The following PDSS2 variants were observed in gnomAD, a reference collection of about 807,000 sequenced individuals.
PDSS2 encodes the protein all trans-polyprenyl-diphosphate synthase PDSS2.
Under a neutral mutation model 44.5 loss-of-function variants are expected in PDSS2, and 31 were observed. The observed-to-expected ratio is 0.70, with a 90% CI of 0.52 to 0.94. The LOEUF is 0.94. Ranked by LOEUF, PDSS2 falls within the 40% of genes least tolerant of loss-of-function variation. The pLI is 0.00. For synonymous variants in PDSS2, 157 were observed against 180.3 expected, an observed-to-expected ratio of 0.87 and a Z score of 1.03; for missense variants, 452 against 482.2, an observed-to-expected ratio of 0.94 and a Z score of 0.59.
At chr6:107,393,740 T>A (rs1779855502) in intron 1 of PDSS2, among the ~76,000 whole-genome samples, 1 of 152,208 alleles carries the variant, frequency 6.6e-6, no homozygotes, top group Non-Finnish European at 1.5e-5. Flanking sequence ...GTTTTATGAT[T>A]TATATTAGGG....
At chr6:107,393,032 T>C (rs1452467605) in intron 1 of PDSS2, among the ~76,000 whole-genome samples, 1 of 152,166 alleles carries the variant, frequency 6.6e-6, no homozygotes, top group Non-Finnish European at 1.5e-5. Flanking sequence ...TTTTTCTCTA[T>C]ATTTTGTCTT....
chr6:107,454,497 T>G (rs867115693), intron 1 of PDSS2, among the ~76,000 whole-genome samples: 15 of 152,346 alleles, frequency 9.8e-5, no homozygotes, highest in African/African-American at 3.4e-4. Flanking sequence ...AACAGAATCA[T>G]TATCTCACCA....
chr6:107,431,366 C>T (rs746695332), intron 1 of PDSS2, among the ~76,000 whole-genome samples: 7 of 152,200 alleles, frequency 4.6e-5, no homozygotes, highest in Non-Finnish European at 1.0e-4. Flanking sequence ...TATCCTCCCA[C>T]CTCAGCCTCC....
intron 3 of PDSS2, among the ~76,000 whole-genome samples, chr6:107,249,279 G>A (rs1030751260): frequency 2.6e-5 from 4 of 152,142 alleles, no homozygotes; most frequent in African/African-American, 4.8e-5. Flanking sequence ...CAAGCCTTGC[G>A]TAGATGAACA....
intron 1 of PDSS2, among the ~76,000 whole-genome samples, chr6:107,418,787 C>A (rs1328434310): frequency 6.6e-6 from 1 of 151,972 alleles, no homozygotes; most frequent in East Asian, 1.9e-4. Flanking sequence ...AACAAACAAA[C>A]AAACAACAAA....
intron 2 of PDSS2, among the ~76,000 whole-genome samples, chr6:107,274,667 C>CTTTTTTTTTTTTTTTTTTTTTTTTT (rs5878910): frequency 9.4e-6 from 1 of 106,556 alleles, no homozygotes. Flanking sequence ...ATCTCTCTCT[C>CTTTTTTTTTTTTTTTTTTTTTTTTT]TTTTTTTTTT....
intron 4 of PDSS2, among the ~76,000 whole-genome samples, chr6:107,221,606 A>T (rs2114682378): frequency 6.6e-6 from 1 of 152,298 alleles, no homozygotes; most frequent in East Asian, 1.9e-4. Flanking sequence ...TGGTTCAAAT[A>T]ACATGGGAAA....
intron 1 of PDSS2, among the ~76,000 whole-genome samples, chr6:107,411,609 A>C (rs1192470125): frequency 6.6e-6 from 1 of 152,220 alleles, no homozygotes; most frequent in Non-Finnish European, 1.5e-5. Context: ...TGGTTGTGTC[A>C]GTACTGGGTA....
chr6:107,413,975 G>A (rs533943307), intron 1 of PDSS2, among the ~76,000 whole-genome samples: 13 of 80,284 alleles, frequency 1.6e-4, no homozygotes, highest in African/African-American at 5.3e-4. Flanking sequence ...CTGCCACAGA[G>A]GCAGAAAATG....
At chr6:107,364,522 T>C (rs1391384343) in intron 1 of PDSS2, among the ~76,000 whole-genome samples, 4 of 152,258 alleles carry the variant, frequency 2.6e-5, no homozygotes, top group Admixed American at 1.3e-4. Flanking sequence ...CCAGCAGGGC[T>C]GGCTGGCTGC....
At chr6:107,329,222 C>A (rs1462755662) in intron 2 of PDSS2, among the ~76,000 whole-genome samples, 1 of 152,188 alleles carries the variant, frequency 6.6e-6, no homozygotes, top group Admixed American at 6.5e-5. Flanking sequence ...CTATGCCATG[C>A]AGTATTCTAC....
chr6:107,261,613 C>T (rs1363706404), intron 3 of PDSS2, among the ~76,000 whole-genome samples: 2 of 129,168 alleles, frequency 1.5e-5, no homozygotes, highest in African/African-American at 5.9e-5. Context: ...GAGTTTCACT[C>T]TTTCCCCTAG....
intron 1 of PDSS2, among the ~76,000 whole-genome samples, chr6:107,371,311 C>G (rs1779122902): frequency 1.3e-5 from 2 of 152,148 alleles, no homozygotes; most frequent in African/African-American, 4.8e-5. Context: ...AGTGGACAAA[C>G]TTCTTTTCAC....
chr6:107,247,740 G>A (rs141343722), intron 3 of PDSS2, among the ~76,000 whole-genome samples: 3,311 of 149,940 alleles, frequency 0.022, 184 homozygotes, highest in East Asian at 0.19. Context: ...AGTGGCTCAC[G>A]CCTGTAATAC....
chr6:107,242,327 G>A (rs573547909), intron 4 of PDSS2, among the ~76,000 whole-genome samples: 12 of 152,116 alleles, frequency 7.9e-5, no homozygotes, highest in Non-Finnish European at 1.2e-4. Flanking sequence ...GCAGTGGCGC[G>A]ATCTTGGCTC....
intron 1 of PDSS2, among the ~76,000 whole-genome samples, chr6:107,376,419 G>A (rs1223291133): frequency 6.6e-6 from 1 of 152,002 alleles, no homozygotes; most frequent in Admixed American, 6.5e-5. Flanking sequence ...CCATTTGTTT[G>A]TATCCTCTTT....
intron 1 of PDSS2, among the ~76,000 whole-genome samples, chr6:107,424,101 G>A (rs1263144741): frequency 2.1e-5 from 3 of 144,260 alleles, no homozygotes; most frequent in Non-Finnish European, 4.5e-5. Context: ...GATTGCAGTG[G>A]TGCAATCACG....
At chr6:107,388,916 T>C (rs1232835670) in intron 1 of PDSS2, among the ~76,000 whole-genome samples, 2 of 152,198 alleles carry the variant, frequency 1.3e-5, no homozygotes, top group African/African-American at 4.8e-5. Context: ...CACAATGAGA[T>C]GGATAAATCT....
intron 2 of PDSS2, among the ~76,000 whole-genome samples, chr6:107,307,523 CT>C (rs77184396): frequency 0.011 from 1,546 of 141,914 alleles, 12 homozygotes; most frequent in African/African-American, 0.025. Context: ...CTTTTTAAGC[CT>C]TTTTTTTTTT....
Sources: gnomAD v4.1 joint callset for allele counts (sites outside exome capture counted in the v4.1 genomes callset) on GRCh38, gnomAD v4.1.1 for gene constraint, MANE v1.5 for transcripts, NCBI Gene and HGNC (gene_info 2026-07-23, HGNC 2026-07-21) for gene names.